KALRN: variants seen among roughly 807,000 people sequenced by gnomAD.
KALRN encodes kalirin RhoGEF kinase, also known as kalirin.
A neutral mutation model predicts 353.7 loss-of-function variants in KALRN; 70 were observed. The observed-to-expected ratio is 0.20, with a 90% CI of 0.16 to 0.24. The LOEUF is 0.24. Ranked by LOEUF, KALRN falls within the 10% of genes least tolerant of loss-of-function variation. The pLI, the probability that KALRN is intolerant of heterozygous loss-of-function variation, is 1.00. For missense variants in KALRN, 2,791 were observed against 3,756.7 expected (o/e 0.74, Z 6.72); for synonymous variants, 1,391 against 1,434.8 (o/e 0.97, Z 0.69).
At chr3:124,564,073 C>T (rs1054490950) in intron 34 of KALRN, among the ~76,000 whole-genome samples, 3 of 150,100 alleles carry the variant, frequency 2.0e-5, no homozygotes, top group Admixed American at 1.3e-4. Context: ...GGCATGGTGG[C>T]GCACGCCTGT....
chr3:124,515,164 G>T (rs1404693477), intron 33 of KALRN, among the ~76,000 whole-genome samples: 1 of 152,154 alleles, frequency 6.6e-6, no homozygotes, highest in African/African-American at 2.4e-5. Flanking sequence ...TTCTATCACT[G>T]GATGTCCAAT....
chr3:124,386,300 T>G (rs371506377), intron 11 of KALRN, among the ~76,000 whole-genome samples: 8 of 152,236 alleles, frequency 5.3e-5, no homozygotes, highest in African/African-American at 1.9e-4. Context: ...AATGAAAGTC[T>G]CAGAAACCAA....
At chr3:124,317,473 A>C (rs1296096164) in intron 6 of KALRN, among the ~76,000 whole-genome samples, 1 of 152,222 alleles carries the variant, frequency 6.6e-6, no homozygotes, top group Non-Finnish European at 1.5e-5. Context: ...TTATGTTTGC[A>C]AATGTTCAGC....
At position 124,719,449 on chromosome 3, in the gene KALRN, C is replaced by A. The variant is rs778598503; in HGVS notation, c.8940C>A (p.Asn2980Lys). ...CCAATGTCAAGAGCTACATTGTCAACCGGGTGAACCAAGGGACGTAGCCAT... is the reference window on the plus strand; with the variant it reads ...CCAATGTCAAGAGCTACATTGTCAAACGGGTGAACCAAGGGACGTAGCCAT... The part of the protein sequence containing the change: ...PIPNVKSYIV[N>K]RVNQGT Residue 2980 changes from asparagine (N) to lysine (K), a missense_variant, in exon 60 of 60, where the codon AAC (asparagine) becomes AAA (lysine). Around this residue, in one of 11 missense-constraint regions of KALRN, gnomAD observed 32 missense variants for 27.4 expected, o/e 1.17. Transcript: ENST00000682506. This position sits in a 1 kb window ranked among gnomAD's most constrained non-coding sequence, Gnocchi z 5.3. The A allele has an allele frequency of 1.2e-6, 2 of 1,613,310 alleles. No homozygotes were observed. Among genetic ancestry groups the A allele is most frequent in the South Asian group, 2.2e-5 (2 of 91,056 alleles).
At chr3:124,450,166 A>T (rs768180361) in intron 21 of KALRN, among the ~76,000 whole-genome samples, 1 of 152,168 alleles carries the variant, frequency 6.6e-6, no homozygotes, top group Admixed American at 6.5e-5. Flanking sequence ...TCTCACCAGC[A>T]GTTTGTGAGG....
intron 1 of KALRN, among the ~76,000 whole-genome samples, chr3:124,098,102 G>T (rs1452579868): frequency 6.6e-6 from 1 of 152,178 alleles, no homozygotes; most frequent in Non-Finnish European, 1.5e-5. Context: ...TTGTTTACAT[G>T]TAATTTTTTT....
chr3:124,423,748 G>A (rs1481242897), intron 15 of KALRN, among the ~76,000 whole-genome samples: 4 of 152,212 alleles, frequency 2.6e-5, no homozygotes, highest in Admixed American at 1.3e-4. Context: ...GCACATGCCT[G>A]TGGTCCCAGC....
chr3:124,095,372 T>C (rs1293430437), intron 1 of KALRN, among the ~76,000 whole-genome samples: 5 of 152,244 alleles, frequency 3.3e-5, no homozygotes, highest in Non-Finnish European at 7.3e-5. Context: ...TACCCATCTA[T>C]AAAATGGGCA....
At chr3:124,198,796 G>A (rs917247844) in intron 1 of KALRN, among the ~76,000 whole-genome samples, 4 of 152,200 alleles carry the variant, frequency 2.6e-5, no homozygotes, top group South Asian at 2.1e-4. Context: ...GTTAGGAATC[G>A]CTGCTCTAGA....
chr3:124,479,746 C>CG (rs1224258209), intron 27 of KALRN, among the ~76,000 whole-genome samples: 1 of 111,704 alleles, frequency 9.0e-6, no homozygotes, highest in African/African-American at 3.5e-5. Flanking sequence ...TTTTTTGAGA[C>CG]GGAGTCTCGC....
Position 124,657,549 on chromosome 3 carries a change from G to A in KALRN, c.5964G>A (p.Lys1988=), listed in dbSNP as rs2084222215. Residue 1988 remains lysine (K), a splice_region_variant and synonymous_variant, in exon 40 of 60, where the codon AAG becomes AAA. Transcript: ENST00000682506. ...GNIHQIYDWH[K]DFFLAELEKC... ...TTCATCAGATTTATGACTGGCATAA[G>A]GAGTAAGTGTTAATGCTGCCCCGAG... 1.2e-6 allele frequency: 2 copies of A among 1,611,024 alleles called. No individual in the cohort carries two copies. The highest frequency in any genetic ancestry group is 1.7e-6 in the Non-Finnish European group (2 of 1,177,094).
chr3:124,068,447 A>G (rs764784500), intron 1 of KALRN, among the ~76,000 whole-genome samples: 1 of 152,234 alleles, frequency 6.6e-6, no homozygotes, highest in African/African-American at 2.4e-5. Context: ...ACATCCATCT[A>G]CATTTCAAGT....
chr3:124,142,343 A>C (rs1443134134), intron 1 of KALRN, among the ~76,000 whole-genome samples: 1 of 152,184 alleles, frequency 6.6e-6, no homozygotes, highest in African/African-American at 2.4e-5. Flanking sequence ...CAGCCAACAC[A>C]TGGGCTCCTT....
At chr3:124,382,439 G>A (rs1019847776) in intron 10 of KALRN, among the ~76,000 whole-genome samples, 2 of 152,030 alleles carry the variant, frequency 1.3e-5, no homozygotes, top group African/African-American at 4.8e-5. Context: ...TACTTTTGGG[G>A]TGCTTACAAT....
intron 38 of KALRN, among the ~76,000 whole-genome samples, chr3:124,653,144 G>A (rs997472371): frequency 2.6e-5 from 4 of 152,196 alleles, no homozygotes; most frequent in African/African-American, 9.7e-5. Flanking sequence ...AAAGGGTGTT[G>A]TATAGGTGTT....
At chr3:124,345,949 C>G (rs1242082899) in intron 9 of KALRN, among the ~76,000 whole-genome samples, 1 of 152,182 alleles carries the variant, frequency 6.6e-6, no homozygotes, top group Non-Finnish European at 1.5e-5. Flanking sequence ...ATGAGTTAAA[C>G]CATCCTTTTA....
intron 1 of KALRN, among the ~76,000 whole-genome samples, chr3:124,099,174 T>C (rs1452641438): frequency 6.6e-6 from 1 of 152,228 alleles, no homozygotes; most frequent in Non-Finnish European, 1.5e-5. Flanking sequence ...TTAATGATTG[T>C]CACCCCACTG....
intron 1 of KALRN, among the ~76,000 whole-genome samples, chr3:124,049,448 C>G (rs1222615649): frequency 6.6e-6 from 1 of 152,128 alleles, no homozygotes; most frequent in Non-Finnish European, 1.5e-5. Context: ...CCTGCCATAC[C>G]TCATAGGAAT....
intron 1 of KALRN, among the ~76,000 whole-genome samples, chr3:124,042,765 G>T (rs1330433469): frequency 6.6e-6 from 1 of 152,170 alleles, no homozygotes; most frequent in African/African-American, 2.4e-5. Flanking sequence ...CATTTCAGGT[G>T]TCAGTGAAAT....
Sources: gnomAD v4.1 joint callset for allele counts (sites outside exome capture counted in the v4.1 genomes callset) on GRCh38, gnomAD v4.1.1 for gene constraint, gnomAD v4.1.1 regional missense constraint, Gnocchi (gnomAD v3.1) non-coding constraint, MANE v1.5 for transcripts, NCBI Gene and HGNC (gene_info 2026-07-23, HGNC 2026-07-21) for gene names.